The following MAL variants were observed in gnomAD, a reference collection of about 807,000 sequenced individuals.
The protein encoded by MAL is mal, T cell differentiation protein (MAL blood group), also known as myelin and lymphocyte protein.
A neutral mutation model predicts 16.7 loss-of-function variants in MAL; 5 were observed. That is an observed-to-expected ratio of 0.30 (90% CI 0.16 to 0.63). The LOEUF is 0.63. Among genes scored for constraint, MAL ranks in the 30% least tolerant of loss-of-function variants. MAL has a pLI of 0.82. For missense variants in MAL, 202 were observed against 195.8 expected, an observed-to-expected ratio of 1.03 and a Z score of -0.19; for synonymous variants, 96 against 85.5, an observed-to-expected ratio of 1.12 and a Z score of -0.67.
intron 1 of MAL, among the ~76,000 whole-genome samples, chr2:95,036,775 G>A (rs1167352003): frequency 6.6e-6 from 1 of 151,830 alleles, no homozygotes; most frequent in African/African-American, 2.4e-5. Context: ...GTGAGTGAGT[G>A]ACTGAGTGAG....
chr2:95,049,564 C>A lies in MAL; in HGVS notation c.262-17C>A, dbSNP rs754765108. The A allele has an allele frequency of 8.1e-6, 13 of 1,613,930 alleles. No individual in the cohort carries two copies. Among genetic ancestry groups the A allele is most frequent in the African/African-American group, 2.7e-5 (2 of 75,054 alleles). On this transcript the variant is annotated splice_polypyrimidine_tract_variant and intron_variant, in intron 2 of 3. Transcript: ENST00000309988. ...TCTCTCTCTCCCCATCCCTCTGACA[C>A]CCCGTCTGCCCCATAGGACGCAGCC...
intron 3 of MAL, among the ~76,000 whole-genome samples, chr2:95,052,209 C>A (rs555750202): frequency 6.6e-6 from 1 of 152,320 alleles, no homozygotes; most frequent in African/African-American, 2.4e-5. Flanking sequence ...AGGGAGAGGG[C>A]TTTCTGAAGC....
intron 1 of MAL, among the ~76,000 whole-genome samples, chr2:95,042,636 T>A (rs888345999): frequency 2.6e-5 from 4 of 152,042 alleles, no homozygotes; most frequent in African/African-American, 9.7e-5. Context: ...AGCTGTGGGG[T>A]CGGAGGAAGT....
chr2:95,048,164 G>A (rs1260703032), intron 2 of MAL, 38 bp downstream of exon 2: 2 of 1,565,878 alleles, frequency 1.3e-6, no homozygotes, highest in Non-Finnish European at 1.8e-6. Context: ...TTGTAGGGGG[G>A]CGCAGGAAGT....
chr2:95,028,777 T>C (rs1227024135), intron 1 of MAL, among the ~76,000 whole-genome samples: 4 of 152,242 alleles, frequency 2.6e-5, no homozygotes, highest in East Asian at 3.8e-4. Flanking sequence ...GAAAACTCTA[T>C]GCTAAGCAAA....
At chr2:95,037,347 GGTGA>G (rs1674249194) in intron 1 of MAL, among the ~76,000 whole-genome samples, 1 of 118,362 alleles carries the variant, frequency 8.4e-6, no homozygotes. Flanking sequence ...TGACTGAGTG[GGTGA>G]GTGAGTGACT....
intron 1 of MAL, among the ~76,000 whole-genome samples, chr2:95,038,972 CTGAG>C (rs1323093451): frequency 1.1e-4 from 13 of 117,566 alleles, no homozygotes; most frequent in Non-Finnish European, 1.4e-4. Flanking sequence ...GAGTGAGTGA[CTGAG>C]TGAGTGACCG....
chr2:95,046,417 C>T (rs1411323443), intron 1 of MAL, among the ~76,000 whole-genome samples: 3 of 151,854 alleles, frequency 2.0e-5, no homozygotes, highest in East Asian at 3.9e-4. Flanking sequence ...GTGGGGGTGG[C>T]GCTGGGGGAG....
chr2:95,053,469 C>T lies in MAL; in HGVS notation c.*14C>T, dbSNP rs1573305012. On this transcript the variant is annotated 3_prime_UTR_variant, in exon 4 of 4. Transcript: ENST00000309988. ...AAGTCTTCATAAAGCCGCAGTAGAA[C>T]TTGAGCTGAAAACCCAGATGGTGTT... 6.2e-7 allele frequency: 1 copy of T among 1,605,168 alleles called. No individual in the cohort carries two copies. The highest frequency in any genetic ancestry group is 1.1e-5 in the South Asian group (1 of 90,874).
At chr2:95,037,649 CGAGT>C (rs1186314652) in intron 1 of MAL, among the ~76,000 whole-genome samples, 6 of 79,860 alleles carry the variant, frequency 7.5e-5, no homozygotes, top group East Asian at 8.6e-4. Context: ...AGTGAGCAAG[CGAGT>C]GAGTGAGTGA....
At chr2:95,039,948 C>T (rs959101282) in intron 1 of MAL, among the ~76,000 whole-genome samples, 2 of 152,148 alleles carry the variant, frequency 1.3e-5, no homozygotes, top group Non-Finnish European at 2.9e-5. Context: ...CAGGACTTTG[C>T]GGAAGCCTTC....
intron 2 of MAL, among the ~76,000 whole-genome samples, chr2:95,049,160 G>A (rs1048050988): frequency 3.3e-5 from 5 of 152,066 alleles, no homozygotes; most frequent in Non-Finnish European, 5.9e-5. Context: ...AATAAGCAAT[G>A]AAACAAAACA....
At chr2:95,035,721 G>A (rs1408385270) in intron 1 of MAL, among the ~76,000 whole-genome samples, 11 of 149,674 alleles carry the variant, frequency 7.3e-5, no homozygotes, top group African/African-American at 2.5e-4. Flanking sequence ...CCAGGCTGGA[G>A]TGCAGTGGCA....
intron 1 of MAL, among the ~76,000 whole-genome samples, chr2:95,031,225 C>T (rs1330478533): frequency 5.3e-5 from 8 of 152,138 alleles, no homozygotes; most frequent in African/African-American, 1.9e-4. Context: ...CCTAATCAGC[C>T]ACACGAGATT....
At chr2:95,036,719 A>AAGTG (rs1187530622) in intron 1 of MAL, among the ~76,000 whole-genome samples, 2 of 126,000 alleles carry the variant, frequency 1.6e-5, no homozygotes, top group Admixed American at 1.5e-4. Context: ...GTGAGTGACC[A>AAGTG]AGTGAGTGAG....
chr2:95,042,353 G>A (rs1558660422), intron 1 of MAL, among the ~76,000 whole-genome samples: 1 of 152,226 alleles, frequency 6.6e-6, no homozygotes, highest in Non-Finnish European at 1.5e-5. Context: ...TGGGACATCT[G>A]CCCCATCACT....
intron 3 of MAL, chr2:95,051,318 C>T (rs997694407): frequency 7.2e-5 from 11 of 152,226 alleles, no homozygotes; most frequent in Non-Finnish European, 1.3e-4. Flanking sequence ...TACCAGCGCA[C>T]AGTCTGATGA....
chr2:95,037,462 GACTA>G (rs1244411700), intron 1 of MAL, among the ~76,000 whole-genome samples: 15 of 147,882 alleles, frequency 1.0e-4, no homozygotes, highest in Non-Finnish European at 1.6e-4. Context: ...GTGACTGAGT[GACTA>G]ACTGAGTGAC....
chr2:95,043,423 A>C (rs1674516130), intron 1 of MAL, among the ~76,000 whole-genome samples: 2 of 152,336 alleles, frequency 1.3e-5, no homozygotes, highest in South Asian at 2.1e-4. Context: ...CAGTGTGGGG[A>C]GACTGCTGTG....
Sources: allele counts gnomAD v4.1 joint callset (sites outside exome capture counted in the v4.1 genomes callset), GRCh38; gene constraint gnomAD v4.1.1; transcripts MANE v1.5; gene names NCBI Gene and HGNC (gene_info 2026-07-23, HGNC 2026-07-21).